XXYLT1: variants seen among roughly 807,000 people sequenced by gnomAD.
XXYLT1 encodes UDP-xylose:alpha-xyloside alpha-1,3-xylosyltransferase.
A neutral mutation model predicts 28.9 loss-of-function variants in XXYLT1; 20 were observed. The observed-to-expected ratio is 0.69, with a 90% CI of 0.49 to 1.00. The LOEUF (loss-of-function observed/expected upper bound fraction) is 1.00, where lower values mean the gene tolerates loss of function less well. XXYLT1 is among the 50% of genes least tolerant of loss of function. The pLI is 0.00. For synonymous variants in XXYLT1, 257 were observed against 253.8 expected, an observed-to-expected ratio of 1.01 and a Z score of -0.12; for missense variants, 542 against 560.1, an observed-to-expected ratio of 0.97 and a Z score of 0.33.
chr3:195,192,009 A>G (rs899314976), intron 2 of XXYLT1, among the ~76,000 whole-genome samples: 1 of 152,236 alleles, frequency 6.6e-6, no homozygotes, highest in East Asian at 1.9e-4. Context: ...CCTAACTGAC[A>G]TATATGGAAT....
chr3:195,171,922 G>C (rs1400698439), intron 2 of XXYLT1, among the ~76,000 whole-genome samples: 1 of 152,204 alleles, frequency 6.6e-6, no homozygotes, highest in Non-Finnish European at 1.5e-5. Context: ...TGGAAGATTT[G>C]AACAATCTTA....
chr3:195,159,813 A>G (rs2108688348), intron 2 of XXYLT1, among the ~76,000 whole-genome samples: 1 of 152,286 alleles, frequency 6.6e-6, no homozygotes, highest in South Asian at 2.1e-4. Context: ...CCCCAGTACC[A>G]GCTGGGAGAT....
chr3:195,103,547 G>T (rs1014100463), intron 3 of XXYLT1, among the ~76,000 whole-genome samples: 1 of 152,262 alleles, frequency 6.6e-6, no homozygotes, highest in Non-Finnish European at 1.5e-5. Context: ...AAACAAGAGA[G>T]AAATTAATTT....
At chr3:195,112,333 C>T (rs1717765787) in intron 3 of XXYLT1, among the ~76,000 whole-genome samples, 1 of 152,180 alleles carries the variant, frequency 6.6e-6, no homozygotes, top group Non-Finnish European at 1.5e-5. Flanking sequence ...CACTGATCCA[C>T]TCTGCTCAGT....
rs111870796 is a variant in XXYLT1, at chr3:195,076,550, T to C, written c.786-6439A>G. ...TTTACCTAAAGACCACTGGGCTCTG[T>C]TAGTTCGCTAGGGCTGCCATCGCAA... On this transcript the variant is annotated intron_variant, in intron 3 of 3. Transcript: ENST00000310380. This position sits in a 1 kb window ranked among gnomAD's most constrained non-coding sequence, Gnocchi z 5.3. Among the ~76,000 whole-genome samples, 4,119 of 152,178 alleles carry C rather than the reference T, an allele frequency of 0.027. 164 individuals carry two copies. The highest frequency in any genetic ancestry group is 0.087 in the African/African-American group (3,627 of 41,542).
At position 195,143,842 on chromosome 3, in the gene XXYLT1, A is replaced by C. The variant is rs1162754473; in HGVS notation, c.785+12607T>G. ...TATAGATATATATAGATATAGATAT[A>C]GATATATATATAGATATATATAGAT... On this transcript the variant is annotated intron_variant, in intron 3 of 3. Transcript: ENST00000310380. Among the ~76,000 whole-genome samples the C allele has an allele frequency of 7.4e-4, 61 of 82,482 alleles. 3 individuals carry two copies. The highest frequency in any genetic ancestry group is 3.7e-3 in the African/African-American group (58 of 15,704). 54.1% of individuals were successfully genotyped at this position (82,482 alleles called of 152,430 possible). A position where few individuals can be genotyped will look rare whatever the true frequency, so the allele number is the denominator to read the frequency against.
At chr3:195,171,441 G>A (rs182832764) in intron 2 of XXYLT1, among the ~76,000 whole-genome samples, 74 of 152,286 alleles carry the variant, frequency 4.9e-4, no homozygotes, top group Admixed American at 2.0e-3. Flanking sequence ...CACTTGGGGT[G>A]GATTAAGAAA....
chr3:195,243,258 T>C (rs1472790724), intron 1 of XXYLT1, among the ~76,000 whole-genome samples: 1 of 151,744 alleles, frequency 6.6e-6, no homozygotes, highest in Non-Finnish European at 1.5e-5. Flanking sequence ...ACACGTAATG[T>C]AAATGACGAG....
chr3:195,182,217 C>T (rs982918601), intron 2 of XXYLT1, among the ~76,000 whole-genome samples: 2 of 152,190 alleles, frequency 1.3e-5, no homozygotes, highest in Non-Finnish European at 2.9e-5. Flanking sequence ...CCATATCCGC[C>T]TTCCTACCTT....
At chr3:195,237,213 T>C (rs1724587429) in intron 1 of XXYLT1, among the ~76,000 whole-genome samples, 1 of 152,174 alleles carries the variant, frequency 6.6e-6, no homozygotes, top group Non-Finnish European at 1.5e-5. Context: ...CCAGAACACT[T>C]TAACCTATGG....
At chr3:195,108,219 T>G (rs1030142579) in intron 3 of XXYLT1, among the ~76,000 whole-genome samples, 2 of 152,236 alleles carry the variant, frequency 1.3e-5, no homozygotes, top group Non-Finnish European at 2.9e-5. Flanking sequence ...TTTTCTTTAC[T>G]AAACATAACT....
At chr3:195,099,281 G>A (rs181843800) in intron 3 of XXYLT1, among the ~76,000 whole-genome samples, 2 of 152,160 alleles carry the variant, frequency 1.3e-5, no homozygotes, top group Non-Finnish European at 2.9e-5. Flanking sequence ...CAGGTGCGTG[G>A]ACTCACGTGT....
chr3:195,167,362 G>A (rs1321381753), intron 2 of XXYLT1, among the ~76,000 whole-genome samples: 2 of 152,100 alleles, frequency 1.3e-5, no homozygotes, highest in Admixed American at 6.6e-5. Context: ...AGGCCGAGGC[G>A]GATGGATCAC....
chr3:195,112,663 G>C (rs1320010345), intron 3 of XXYLT1, among the ~76,000 whole-genome samples: 1 of 148,362 alleles, frequency 6.7e-6, no homozygotes, highest in African/African-American at 2.5e-5. Flanking sequence ...CCCAGCCCCG[G>C]GTGGTGGGAA....
At chr3:195,112,430 A>G (rs1461168124) in intron 3 of XXYLT1, among the ~76,000 whole-genome samples, 1 of 109,016 alleles carries the variant, frequency 9.2e-6, no homozygotes. Flanking sequence ...ACACACATGC[A>G]CACACACGCA....
intron 1 of XXYLT1, among the ~76,000 whole-genome samples, chr3:195,233,979 C>A (rs970884056): frequency 2.6e-5 from 4 of 152,024 alleles, no homozygotes; most frequent in Non-Finnish European, 5.9e-5. Flanking sequence ...TGCAGTGGTG[C>A]GATCTCGGGT....
intron 3 of XXYLT1, among the ~76,000 whole-genome samples, chr3:195,147,465 G>A (rs1057318935): frequency 6.6e-6 from 1 of 152,172 alleles, no homozygotes; most frequent in African/African-American, 2.4e-5. Context: ...AGCTACTTGG[G>A]AGGCTGAGGC....
intron 2 of XXYLT1, among the ~76,000 whole-genome samples, chr3:195,219,564 C>T (rs1363063879): frequency 1.3e-5 from 2 of 152,172 alleles, no homozygotes. Context: ...GTGGGTTTTG[C>T]CCCAAGCCTG....
intron 3 of XXYLT1, among the ~76,000 whole-genome samples, chr3:195,088,435 G>C (rs545226220): frequency 1.4e-5 from 2 of 144,946 alleles, no homozygotes; most frequent in South Asian, 4.8e-4. Context: ...TCACAGGGCC[G>C]GGTACTCCAA....
Sources: allele counts gnomAD v4.1 joint callset (sites outside exome capture counted in the v4.1 genomes callset), GRCh38; gene constraint gnomAD v4.1.1; non-coding constraint Gnocchi (gnomAD v3.1); transcripts MANE v1.5; gene names NCBI Gene and HGNC (gene_info 2026-07-23, HGNC 2026-07-21).